The following HAAO variants were observed in gnomAD, a reference collection of about 807,000 sequenced individuals.
HAAO encodes the protein 3-hydroxyanthranilate 3,4-dioxygenase.
In HAAO, 49 loss-of-function variants were observed where a neutral mutation model predicts 46.2. That is an observed-to-expected ratio of 1.06 (90% CI 0.84 to 1.34). The LOEUF is 1.34. Ranked by LOEUF, HAAO falls within the 40% of genes most tolerant of loss-of-function variation. HAAO has a pLI of 0.00. For synonymous variants in HAAO, 157 were observed against 145.2 expected (o/e 1.08, Z -0.58); for missense variants, 408 against 364.5 (o/e 1.12, Z -0.97).
chr2:42,777,930 G>T (rs1441239680), intron 4 of HAAO, among the ~76,000 whole-genome samples: 1 of 152,098 alleles, frequency 6.6e-6, no homozygotes, highest in Non-Finnish European at 1.5e-5. Flanking sequence ...TGTAAAGAAA[G>T]TCATAAAAAC....
At chr2:42,784,567 G>A (rs924259204) in intron 2 of HAAO, among the ~76,000 whole-genome samples, 8 of 150,136 alleles carry the variant, frequency 5.3e-5, no homozygotes, top group Non-Finnish European at 1.0e-4. Flanking sequence ...GCATTTTTCC[G>A]ATTCCATCCT....
intron 4 of HAAO, among the ~76,000 whole-genome samples, chr2:42,774,761 C>T (rs767682582): frequency 4.6e-5 from 7 of 151,254 alleles, no homozygotes; most frequent in Non-Finnish European, 7.4e-5. Context: ...ATAGAAGCTG[C>T]GCGATTGTTT....
At chr2:42,789,695 C>A (rs1672648639) in intron 1 of HAAO, among the ~76,000 whole-genome samples, 1 of 152,186 alleles carries the variant, frequency 6.6e-6, no homozygotes, top group African/African-American at 2.4e-5. Flanking sequence ...TCCTTGACTC[C>A]CACGCTGGCG....
intron 4 of HAAO, among the ~76,000 whole-genome samples, chr2:42,773,029 A>G (rs1359189495): frequency 1.3e-5 from 2 of 152,154 alleles, no homozygotes; most frequent in Non-Finnish European, 2.9e-5. Context: ...TTCAGAGGAA[A>G]AGAATTGGGT....
At chr2:42,772,768 A>G (rs1230969559) in intron 4 of HAAO, among the ~76,000 whole-genome samples, 9 of 152,154 alleles carry the variant, frequency 5.9e-5, no homozygotes, top group African/African-American at 2.2e-4. Flanking sequence ...CAGAAAAACA[A>G]CACGTATTTT....
intron 2 of HAAO, among the ~76,000 whole-genome samples, chr2:42,788,065 T>C (rs1335233229): frequency 6.6e-6 from 1 of 151,960 alleles, no homozygotes; most frequent in Non-Finnish European, 1.5e-5. Flanking sequence ...CACTAGCTCC[T>C]CCTCCCTCAG....
chr2:42,770,210 C>G (rs1406518864), intron 5 of HAAO, 24 bp from the exon 6 acceptor site: 22 of 1,586,086 alleles, frequency 1.4e-5, no homozygotes, highest in Non-Finnish European at 1.9e-5. Flanking sequence ...CAGGGAGGAG[C>G]AGGAGTGGCG....
chr2:42,790,982 G>A (rs1038226380), intron 1 of HAAO, among the ~76,000 whole-genome samples: 2 of 152,128 alleles, frequency 1.3e-5, no homozygotes, highest in African/African-American at 4.8e-5. Context: ...CTCTTCAGCA[G>A]CTTCTCACCT....
Position 42,769,475 on chromosome 2 carries a change from T to C in HAAO, c.630+238A>G, listed in dbSNP as rs188077774. On this transcript the variant is annotated intron_variant, in intron 7 of 9. Coordinates refer to ENST00000294973, the MANE Select transcript of HAAO (RefSeq NM_012205.3). ...CAGATCATAAAATTGCTTGGGACCATGTAGCCTCCACAGACTTCACTCGGA... is the reference window on the plus strand; with the variant it reads ...CAGATCATAAAATTGCTTGGGACCACGTAGCCTCCACAGACTTCACTCGGA... Among the ~76,000 whole-genome samples the C allele has an allele frequency of 1.5e-4, 23 of 152,302 alleles. No individual in the cohort carries two copies. The East Asian group carries it at 4.0e-3, about 27-fold the overall frequency.
chr2:42,779,975 C>A (rs1327655846), intron 4 of HAAO, among the ~76,000 whole-genome samples: 2 of 151,970 alleles, frequency 1.3e-5, no homozygotes, highest in East Asian at 3.9e-4. Flanking sequence ...GGTATGTATT[C>A]CAAAATTATG....
chr2:42,787,448 C>G (rs1171091380), intron 2 of HAAO, among the ~76,000 whole-genome samples: 1 of 152,134 alleles, frequency 6.6e-6, no homozygotes, highest in East Asian at 1.9e-4. Flanking sequence ...TTCCTATTGA[C>G]TTTTTCCACC....
intron 4 of HAAO, among the ~76,000 whole-genome samples, chr2:42,777,958 T>C (rs1318919344): frequency 2.6e-5 from 4 of 151,944 alleles, no homozygotes; most frequent in East Asian, 3.9e-4. Context: ...TTTTTTGTGG[T>C]AAGAAAGCTT....
At chr2:42,769,062 T>G (rs938800978) in intron 7 of HAAO, among the ~76,000 whole-genome samples, 2 of 152,218 alleles carry the variant, frequency 1.3e-5, no homozygotes, top group African/African-American at 4.8e-5. Flanking sequence ...AAGCCTTCCT[T>G]GACTTCCCTT....
chr2:42,769,606 A>AGTGT, intron 7 of HAAO, 107 bp downstream of exon 7: 2 of 660,760 alleles, frequency 3.0e-6, no homozygotes, highest in Admixed American at 6.9e-5. Flanking sequence ...TGTGTGTGTG[A>AGTGT]GTGTGTGTGT....
rs1328026855 is a variant in HAAO at position 42,777,321 on chromosome 2, AAAG to A, written c.350+5990_350+5992del. Reference sequence around the variant, plus strand: ...CTTATCGCAAAAAAAAAAAAAAAAAAAAGAAGAAAGAAAAGAAGAAAAAGAATG... The same window carrying A: ...CTTATCGCAAAAAAAAAAAAAAAAAAAAGAAAGAAAAGAAGAAAAAGAATG... On this transcript the variant is annotated intron_variant, in intron 4 of 9. Transcript: ENST00000294973. Among the ~76,000 whole-genome samples, 29 of 149,928 alleles carry A rather than the reference AAAG, an allele frequency of 1.9e-4. 1 individual carries two copies. The highest frequency in any genetic ancestry group is 3.2e-4 in the African/African-American group (13 of 41,152).
At chr2:42,768,674 C>T (rs999290740) in intron 7 of HAAO, among the ~76,000 whole-genome samples, 3 of 152,216 alleles carry the variant, frequency 2.0e-5, no homozygotes, top group Non-Finnish European at 2.9e-5. Flanking sequence ...GGTCTCCCTG[C>T]ACCACTCTTG....
rs1358484653 is a variant in HAAO at position 42,774,565 on chromosome 2, T to C, written c.351-3983A>G. 5.3e-5 allele frequency among the ~76,000 whole-genome samples: 8 copies of C among 152,168 alleles called. No homozygotes were observed. In the East Asian group the frequency reaches 9.6e-4, roughly 18 times the overall value. On this transcript the variant is annotated intron_variant, in intron 4 of 9. Coordinates refer to ENST00000294973, the MANE Select transcript of HAAO (RefSeq NM_012205.3). Reference sequence around the variant, plus strand: ...ATGACAATGGAAGGCAGGTAACTCCTTTATGGAATTTGAGCTTGCATCCAA... The same window carrying C: ...ATGACAATGGAAGGCAGGTAACTCCCTTATGGAATTTGAGCTTGCATCCAA...
At chr2:42,791,430 G>T (rs1208329547) in intron 1 of HAAO, among the ~76,000 whole-genome samples, 1 of 152,120 alleles carries the variant, frequency 6.6e-6, no homozygotes, top group African/African-American at 2.4e-5. Flanking sequence ...ATCTTTAATT[G>T]GGGGTGGGCA....
chr2:42,785,941 C>A (rs1430851480), intron 2 of HAAO, among the ~76,000 whole-genome samples: 2 of 151,720 alleles, frequency 1.3e-5, no homozygotes, highest in Non-Finnish European at 2.9e-5. Context: ...AAGAAACCTA[C>A]CAGGTTCTCT....
Sources: allele counts gnomAD v4.1 joint callset (sites outside exome capture counted in the v4.1 genomes callset), GRCh38; gene constraint gnomAD v4.1.1; transcripts MANE v1.5; gene names NCBI Gene and HGNC (gene_info 2026-07-23, HGNC 2026-07-21).